The following CTNNA2 variants were observed in gnomAD, a reference collection of about 807,000 sequenced individuals.
The protein encoded by CTNNA2 is catenin alpha 2, also known as catenin alpha-2.
In CTNNA2, 42 loss-of-function variants were observed where a neutral mutation model predicts 101.0. That is an observed-to-expected ratio of 0.42 (90% CI 0.32 to 0.54). CTNNA2 has a LOEUF of 0.54. CTNNA2 is among the 20% of genes least tolerant of loss of function. CTNNA2 has a pLI of 0.14. For missense variants in CTNNA2, 871 were observed against 1,223.1 expected, an observed-to-expected ratio of 0.71 and a Z score of 4.29; for synonymous variants, 450 against 456.4, an observed-to-expected ratio of 0.99 and a Z score of 0.18.
intron 4 of CTNNA2, among the ~76,000 whole-genome samples, chr2:79,442,845 C>A (rs1678791011): frequency 6.6e-6 from 1 of 152,108 alleles, no homozygotes; most frequent in Non-Finnish European, 1.5e-5. Context: ...GTAATGACTA[C>A]TGTCAGGGCT....
chr2:79,217,262 T>C (rs13014743), intron 2 of CTNNA2, among the ~76,000 whole-genome samples: 29,326 of 152,138 alleles, frequency 0.19, 3,296 homozygotes, highest in African/African-American at 0.31. Flanking sequence ...GGACAGGGGA[T>C]TGATCCCCCA....
chr2:79,287,953 C>A (rs113531912), intron 2 of CTNNA2, among the ~76,000 whole-genome samples: 4 of 152,314 alleles, frequency 2.6e-5, no homozygotes, highest in East Asian at 1.9e-4. Flanking sequence ...TCTCCTGATG[C>A]GCTGTTTTTT....
intron 4 of CTNNA2, among the ~76,000 whole-genome samples, chr2:79,501,623 A>G (rs1300973290): frequency 6.6e-6 from 1 of 152,226 alleles, no homozygotes; most frequent in Non-Finnish European, 1.5e-5. Flanking sequence ...TCTTAGTTCA[A>G]GGCAGGTCAG....
chr2:80,208,649 C>T (rs193260638), intron 7 of CTNNA2, among the ~76,000 whole-genome samples: 14 of 152,182 alleles, frequency 9.2e-5, no homozygotes, highest in Admixed American at 7.9e-4. Flanking sequence ...GCTGAGACCT[C>T]GCGTACCATC....
chr2:80,259,028 A>T (rs1010569676), intron 7 of CTNNA2, among the ~76,000 whole-genome samples: 1 of 152,094 alleles, frequency 6.6e-6, no homozygotes, highest in Non-Finnish European at 1.5e-5. Context: ...CAAGGTCAGA[A>T]CTGGATAGAA....
chr2:79,197,628 G>A (rs972831058), intron 1 of CTNNA2, among the ~76,000 whole-genome samples: 2 of 152,140 alleles, frequency 1.3e-5, no homozygotes, highest in African/African-American at 4.8e-5. Context: ...AGATGCAAAG[G>A]AACAGGCTAT....
At chr2:79,930,317 AAAGAAAGAAAGAAAGAAAG>A (rs1451954496) in intron 7 of CTNNA2, among the ~76,000 whole-genome samples, 5 of 136,020 alleles carry the variant, frequency 3.7e-5, no homozygotes, top group African/African-American at 1.2e-4. Flanking sequence ...AGAAAGAAAG[AAAGAAAGAAAGAAAGAAAG>A]AAAGAAAGAA....
chr2:80,574,459 C>T (rs1031968592), intron 13 of CTNNA2, 145 bp downstream of exon 13: 5 of 959,078 alleles, frequency 5.2e-6, no homozygotes, highest in Non-Finnish European at 5.8e-6. Context: ...ACAAGGTGAG[C>T]TTTATACTTA....
chr2:80,019,023 A>G (rs918739775), intron 7 of CTNNA2, among the ~76,000 whole-genome samples: 11 of 152,168 alleles, frequency 7.2e-5, no homozygotes, highest in Non-Finnish European at 1.6e-4. Context: ...TCTTGTCATT[A>G]TTTCCTAAAC....
chr2:79,480,122 A>C (rs1433213169), intron 4 of CTNNA2, among the ~76,000 whole-genome samples: 1 of 151,964 alleles, frequency 6.6e-6, no homozygotes, highest in Non-Finnish European at 1.5e-5. Context: ...GAGGCAAGAG[A>C]GAGAAGGGGG....
intron 7 of CTNNA2, among the ~76,000 whole-genome samples, chr2:80,097,204 G>C (rs1456706800): frequency 6.6e-6 from 1 of 152,050 alleles, no homozygotes; most frequent in Non-Finnish European, 1.5e-5. Context: ...CAGGCCTGGT[G>C]GTGACAAAAT....
intron 4 of CTNNA2, among the ~76,000 whole-genome samples, chr2:79,494,128 A>G (rs190773963): frequency 5.2e-4 from 79 of 152,306 alleles, no homozygotes; most frequent in African/African-American, 1.6e-3. Flanking sequence ...CAAGTGCAAT[A>G]TTTGAATTCT....
intron 1 of CTNNA2, among the ~76,000 whole-genome samples, chr2:79,623,182 G>C (rs945540173): frequency 2.6e-5 from 4 of 152,064 alleles, no homozygotes; most frequent in African/African-American, 9.7e-5. Flanking sequence ...GATAATAATG[G>C]TATGTTAGCT....
intron 2 of CTNNA2, among the ~76,000 whole-genome samples, chr2:79,724,918 C>T (rs1686734257): frequency 6.6e-6 from 1 of 151,790 alleles, no homozygotes; most frequent in Non-Finnish European, 1.5e-5. Context: ...CTGCGGTACT[C>T]CCTGGTCTTT....
intron 7 of CTNNA2, among the ~76,000 whole-genome samples, chr2:80,321,690 A>C (rs750890222): frequency 6.6e-6 from 1 of 152,184 alleles, no homozygotes; most frequent in Non-Finnish European, 1.5e-5. Context: ...TGCTACAACC[A>C]GTTAGTTGTG....
At chr2:79,529,926 T>G (rs1672638596) in intron 1 of CTNNA2, among the ~76,000 whole-genome samples, 1 of 151,886 alleles carries the variant, frequency 6.6e-6, no homozygotes, top group South Asian at 2.1e-4. Flanking sequence ...GGACTAGGAT[T>G]GTAGCTCCTG....
At chr2:79,873,742 T>C (rs549158753) in intron 5 of CTNNA2, among the ~76,000 whole-genome samples, 2 of 151,922 alleles carry the variant, frequency 1.3e-5, no homozygotes, top group African/African-American at 4.8e-5. Flanking sequence ...CCACAACTTT[T>C]TTTTTTTTAA....
intron 7 of CTNNA2, among the ~76,000 whole-genome samples, chr2:79,968,274 C>T (rs921918536): frequency 4.6e-5 from 7 of 152,022 alleles, no homozygotes; most frequent in Middle Eastern, 3.2e-3. Flanking sequence ...AATTCCTGCT[C>T]TATGTGTTGG....
intron 8 of CTNNA2, among the ~76,000 whole-genome samples, chr2:80,403,103 A>G (rs1489941576): frequency 1.3e-5 from 2 of 152,244 alleles, no homozygotes; most frequent in African/African-American, 4.8e-5. Context: ...AATGTTGTAA[A>G]TAAAGATAGG....
Sources: allele counts gnomAD v4.1 joint callset (sites outside exome capture counted in the v4.1 genomes callset), GRCh38; gene constraint gnomAD v4.1.1; transcripts MANE v1.5; gene names NCBI Gene and HGNC (gene_info 2026-07-23, HGNC 2026-07-21).